Variants in ATP6V1B2 observed in about 807,000 individuals in gnomAD.
ATP6V1B2 encodes the protein ATPase H+ transporting V1 subunit B2, also known as V-type proton ATPase subunit B, brain isoform.
Under a neutral mutation model 66.7 loss-of-function variants are expected in ATP6V1B2, and 23 were observed. The ratio of observed to expected loss-of-function variants is 0.34; its 90% CI spans 0.25 to 0.49. The LOEUF (loss-of-function observed/expected upper bound fraction) is 0.49, where lower values mean the gene tolerates loss of function less well. Ranked by LOEUF, ATP6V1B2 falls within the 20% of genes least tolerant of loss-of-function variation. The probability of loss-of-function intolerance (pLI) is 0.99; values close to 1 mark genes in which losing one functional copy is unlikely to be tolerated. For missense variants in ATP6V1B2, 478 were observed against 650.8 expected (o/e 0.73, Z 2.89); for synonymous variants, 278 against 236.7 (o/e 1.17, Z -1.60).
chr8:20,210,689 C>A, intron 5 of ATP6V1B2, 43 bp downstream of exon 5: 1 of 1,549,038 alleles, frequency 6.5e-7, no homozygotes, highest in Non-Finnish European at 8.9e-7. Flanking sequence ...AGAAAATAAC[C>A]TCACTCTGTC....
At chr8:20,203,871 C>G (rs1339394476) in intron 1 of ATP6V1B2, 2 of 405,276 alleles carry the variant, frequency 4.9e-6, no homozygotes, top group African/African-American at 4.2e-5. Flanking sequence ...GACCCCCTGG[C>G]CTTTCTTTCC....
At chr8:20,209,312 T>C in intron 2 of ATP6V1B2, 121 bp from the exon 3 acceptor site, 3 of 937,224 alleles carry the variant, frequency 3.2e-6, no homozygotes, top group South Asian at 3.2e-5. Context: ...AGCAAAAACC[T>C]GTGTCTGTGA....
intron 11 of ATP6V1B2, chr8:20,217,019 C>T (rs2072861326): frequency 3.6e-6 from 2 of 549,474 alleles, no homozygotes; most frequent in Non-Finnish European, 6.5e-6. Context: ...GGATTTGATT[C>T]TCGAAAGAAA....
At position 20,218,272 on chromosome 8, in the gene ATP6V1B2, C is replaced by G; in HGVS notation, c.1386C>G (p.Phe462Leu). Residue 462 changes from phenylalanine to leucine, a missense_variant, in exon 13 of 14, where the codon TTC becomes TTG. Coordinates refer to ENST00000276390, the MANE Select transcript of ATP6V1B2 (RefSeq NM_001693.4). ...LEFLQKFERN[F>L]IAQGPYENRT... is the part of the protein sequence containing the mutation. ...TTCTGCAGAAGTTTGAGAGGAACTT[C>G]ATTGCTCAGGGTAAGATGACTGTTG... 1 of 1,613,182 alleles carries G rather than the reference C, an allele frequency of 6.2e-7. No individual in the cohort carries two copies. The highest frequency in any genetic ancestry group is 8.5e-7 in the Non-Finnish European group (1 of 1,179,338).
In ATP6V1B2 at chr8:20,197,382, G is replaced by C. The variant is rs989483437; in HGVS notation, c.-25G>C. ...CTGCGCGTGCGCGGCGTCGCTGCTGGGCCAGTCGGGACAGAGGAGACAAGA... is the reference window on the plus strand; with the variant it reads ...CTGCGCGTGCGCGGCGTCGCTGCTGCGCCAGTCGGGACAGAGGAGACAAGA... On this transcript the variant is annotated 5_prime_UTR_variant, in exon 1 of 14. Coordinates refer to ENST00000276390, the MANE Select transcript of ATP6V1B2 (RefSeq NM_001693.4). 40 of 1,480,880 alleles carry C rather than the reference G, an allele frequency of 2.7e-5. No individual in the cohort carries two copies. Among genetic ancestry groups the C allele is most frequent in the Non-Finnish European group, 3.6e-5 (40 of 1,113,550 alleles). The allele number at this position is 1,480,880 out of a possible 1,614,324, so 91.7% of individuals were successfully genotyped here. A position where few individuals can be genotyped will look rare whatever the true frequency, so the allele number is the denominator to read the frequency against.
chr8:20,199,064 AT>A (rs2072657380), intron 1 of ATP6V1B2, among the ~76,000 whole-genome samples: 1 of 152,218 alleles, frequency 6.6e-6, no homozygotes, highest in East Asian at 1.9e-4. Context: ...TTTCCATATA[AT>A]TAATCATTCA....
Position 20,204,468 on chromosome 8 carries a change from C to T in ATP6V1B2, c.137-16C>T, listed in dbSNP as rs538138975. The stretch of plus-strand genomic sequence containing the variant: ...TGCTATTTGACTAAAACTGACTCTT[C>T]TGTATTTCTTTCCAGCATACAAGAC... On this transcript the variant is annotated splice_polypyrimidine_tract_variant and intron_variant, in intron 1 of 13. Coordinates refer to ENST00000276390, the MANE Select transcript of ATP6V1B2 (RefSeq NM_001693.4). 1 of 1,608,742 alleles carries T rather than the reference C, an allele frequency of 6.2e-7. No homozygotes were observed. Among genetic ancestry groups the T allele is most frequent in the East Asian group, 2.2e-5 (1 of 44,794 alleles).
chr8:20,205,937 AATTCAACAC>A (rs2072734129), intron 2 of ATP6V1B2, among the ~76,000 whole-genome samples: 1 of 152,236 alleles, frequency 6.6e-6, no homozygotes, highest in Non-Finnish European at 1.5e-5. Context: ...CTAACAATGT[AATTCAACAC>A]ATTCATGGAT....
At chr8:20,204,188 C>G (rs2072715554) in intron 1 of ATP6V1B2, 5 of 409,260 alleles carry the variant, frequency 1.2e-5, no homozygotes, top group Admixed American at 3.8e-5. Flanking sequence ...TCGCATAAGA[C>G]TGAACTTTTG....
At position 20,217,411 on chromosome 8, in the gene ATP6V1B2, C is replaced by A. The variant is rs185914842; in HGVS notation, c.1266+87C>A. 6 of 1,158,912 alleles carry A rather than the reference C, an allele frequency of 5.2e-6. No individual in the cohort carries two copies. In the Admixed American group the frequency reaches 1.0e-4, roughly 20 times the overall value. The allele number at this position is 1,158,912 out of a possible 1,614,324, so 71.8% of individuals were successfully genotyped here. On this transcript the variant is annotated intron_variant, in intron 12 of 13. Transcript: ENST00000276390. ...CTCTTGTCTTTCACCCTTACCACTT[C>A]TCTCTTCCCCATCCACATGGAATTT...
intron 1 of ATP6V1B2, among the ~76,000 whole-genome samples, chr8:20,199,570 G>T (rs1272028075): frequency 6.7e-6 from 1 of 148,744 alleles, no homozygotes; most frequent in Non-Finnish European, 1.5e-5. Flanking sequence ...AATTGCTTCT[G>T]AGTAAATATT....
At chr8:20,203,594 G>A (rs1274485628) in intron 1 of ATP6V1B2, among the ~76,000 whole-genome samples, 2 of 152,052 alleles carry the variant, frequency 1.3e-5, no homozygotes, top group Admixed American at 1.3e-4. Context: ...CAAAACTTTA[G>A]TTCATGTATT....
intron 1 of ATP6V1B2, among the ~76,000 whole-genome samples, chr8:20,198,701 G>T (rs1209575384): frequency 1.3e-5 from 2 of 152,230 alleles, no homozygotes; most frequent in African/African-American, 4.8e-5. Context: ...TAGTCTGGGC[G>T]ATCTGAAGCC....
Position 20,197,400 on chromosome 8 carries a change from A to T in ATP6V1B2, c.-7A>T. 1 of 1,533,678 alleles carries T rather than the reference A, an allele frequency of 6.5e-7. No individual in the cohort carries two copies. The highest frequency in any genetic ancestry group is 8.8e-7 in the Non-Finnish European group (1 of 1,141,458). ...GCTGCTGGGCCAGTCGGGACAGAGG[A>T]GACAAGATGGCGCTGCGGGCGATGC... On this transcript the variant is annotated 5_prime_UTR_variant, in exon 1 of 14. Transcript: ENST00000276390.
At chr8:20,204,991 C>T (rs981160469) in intron 2 of ATP6V1B2, among the ~76,000 whole-genome samples, 26 of 152,144 alleles carry the variant, frequency 1.7e-4, no homozygotes, top group Non-Finnish European at 3.4e-4. Context: ...GATAAGGCAC[C>T]TGTAGAAACT....
Position 20,210,407 on chromosome 8 carries a change from T to C in ATP6V1B2, c.353T>C (p.Ile118Thr). 1.2e-6 allele frequency: 2 copies of C among 1,613,700 alleles called. No individual in the cohort carries two copies. Among genetic ancestry groups the C allele is most frequent in the South Asian group, 1.1e-5 (1 of 91,074 alleles). Residue 118 changes from isoleucine (I) to threonine (T), a missense_variant, in exon 4 of 14, where the codon ATT becomes ACT. Transcript: ENST00000276390. ...KKTSCEFTGD[I>T]LRTPVSEDML... ...ACGTCCTGTGAGTTTACTGGGGATA[T>C]TCTCCGAACACCGGTGTCTGAGGAT...
rs1042426 is a variant in ATP6V1B2, at chr8:20,221,132, T to C, written c.*730T>C. ...CTTACTGGGTTTCCAAGCAGAGGAG[T>C]CACATGATTACAATTGCCAGTAGAG... On this transcript the variant is annotated 3_prime_UTR_variant, in exon 14 of 14. Coordinates refer to ENST00000276390, the MANE Select transcript of ATP6V1B2 (RefSeq NM_001693.4). 14,848 of 151,998 alleles carry C rather than the reference T, an allele frequency of 0.098. 794 individuals carry two copies. The highest frequency in any genetic ancestry group is 0.16 in the Admixed American group (2,377 of 15,260). 9.4% of individuals were successfully genotyped at this position (151,998 alleles called of 1,614,324 possible).
intron 10 of ATP6V1B2, 112 bp downstream of exon 10, chr8:20,215,080 CT>C: frequency 3.3e-6 from 4 of 1,194,712 alleles, no homozygotes; most frequent in Non-Finnish European, 4.5e-6. Context: ...AAGAGTTTAT[CT>C]TGGTTATTTG....
intron 1 of ATP6V1B2, among the ~76,000 whole-genome samples, chr8:20,201,896 C>T (rs915024462): frequency 1.3e-5 from 2 of 152,090 alleles, no homozygotes; most frequent in African/African-American, 4.8e-5. Context: ...CAGGGTGGTT[C>T]AGGGCATCAC....
Sources: allele counts gnomAD v4.1 joint callset (sites outside exome capture counted in the v4.1 genomes callset), GRCh38; gene constraint gnomAD v4.1.1; transcripts MANE v1.5; gene names NCBI Gene and HGNC (gene_info 2026-07-23, HGNC 2026-07-21).